ROBO1: variants seen among roughly 807,000 people sequenced by gnomAD.
ROBO1 encodes the protein roundabout guidance receptor 1.
In ROBO1, 149 loss-of-function variants were observed where a neutral mutation model predicts 195.9. The observed-to-expected ratio is 0.76, with a 90% CI of 0.67 to 0.87. The LOEUF is 0.87. ROBO1 is among the 40% of genes least tolerant of loss of function. The probability of loss-of-function intolerance (pLI) is 0.00; values close to 1 mark genes in which losing one functional copy is unlikely to be tolerated. For missense variants in ROBO1, 1,933 were observed against 2,068.3 expected (o/e 0.93, Z 1.27); for synonymous variants, 816 against 733.2 (o/e 1.11, Z -1.82).
intron 28 of ROBO1, among the ~76,000 whole-genome samples, chr3:78,610,149 A>G (rs1041690905): frequency 2.0e-5 from 3 of 152,206 alleles, no homozygotes; most frequent in African/African-American, 7.2e-5. Context: ...TATAGCCAAT[A>G]GCACTAATTT....
intron 10 of ROBO1, among the ~76,000 whole-genome samples, chr3:78,677,364 AAGACAC>A (rs1282174699): frequency 6.6e-6 from 1 of 152,222 alleles, no homozygotes; most frequent in African/African-American, 2.4e-5. Flanking sequence ...CTCCAATTAA[AAGACAC>A]AGACTGGCAA....
chr3:79,760,117 G>T (rs1337607023), intron 1 of ROBO1, among the ~76,000 whole-genome samples: 1 of 151,118 alleles, frequency 6.6e-6, no homozygotes, highest in Admixed American at 6.6e-5. Context: ...TGCATCTGTA[G>T]TCCCAGTTAC....
chr3:78,744,395 T>C (rs1002918889), intron 5 of ROBO1, among the ~76,000 whole-genome samples: 15 of 152,184 alleles, frequency 9.9e-5, no homozygotes, highest in Admixed American at 7.9e-4. Flanking sequence ...GCCTCTACCA[T>C]TGCCACGTTT....
At chr3:79,758,760 GGGGAAA>G (rs2107510796) in intron 1 of ROBO1, among the ~76,000 whole-genome samples, 1 of 152,210 alleles carries the variant, frequency 6.6e-6, no homozygotes, top group African/African-American at 2.4e-5. Context: ...GGAGACAGGT[GGGGAAA>G]GGGAAAGAAC....
chr3:79,109,601 G>T (rs946604386), intron 3 of ROBO1, among the ~76,000 whole-genome samples: 1 of 151,770 alleles, frequency 6.6e-6, no homozygotes, highest in Admixed American at 6.6e-5. Flanking sequence ...TATTACTTAC[G>T]CATGGTTCTC....
At position 78,711,440 on chromosome 3, in the gene ROBO1, T is replaced by TTTCCTTCCTTCCTTCC. The variant is rs138527299; in HGVS notation, c.1045+2941_1045+2956dup. ...CTTTCTTTCTTTCTTTCTTTCTTTC[T>TTTCCTTCCTTCCTTCC]TTCCTTCCTTCCTTCCTTCCTTCCT... is the stretch of plus-strand genomic sequence containing the variant. On this transcript the variant is annotated intron_variant, in intron 8 of 30. Transcript: ENST00000464233. 1.9e-3 allele frequency among the ~76,000 whole-genome samples: 79 copies of TTTCCTTCCTTCCTTCC among 41,590 alleles called. 1 individual carries two copies. Among genetic ancestry groups the TTTCCTTCCTTCCTTCC allele is most frequent in the South Asian group, 5.4e-3 (5 of 934 alleles). The allele number at this position is 41,590 out of a possible 152,430, so 27.3% of individuals were successfully genotyped here.
At chr3:79,564,206 A>G (rs1943018325) in intron 2 of ROBO1, among the ~76,000 whole-genome samples, 1 of 152,100 alleles carries the variant, frequency 6.6e-6, no homozygotes, top group African/African-American at 2.4e-5. Flanking sequence ...TCTCATTTGA[A>G]AAAGCATACT....
chr3:79,230,373 C>G (rs1006483990), intron 2 of ROBO1, among the ~76,000 whole-genome samples: 4 of 152,114 alleles, frequency 2.6e-5, no homozygotes, highest in Non-Finnish European at 5.9e-5. Context: ...CACCTTTTGT[C>G]TCTAGTAGAT....
intron 2 of ROBO1, among the ~76,000 whole-genome samples, chr3:79,351,653 A>G (rs1208163236): frequency 2.0e-5 from 3 of 152,066 alleles, no homozygotes; most frequent in Non-Finnish European, 2.9e-5. Flanking sequence ...TCCCTGTTCA[A>G]TTACACTGTT....
intron 3 of ROBO1, among the ~76,000 whole-genome samples, chr3:79,050,610 T>G (rs2078678348): frequency 6.6e-6 from 1 of 152,210 alleles, no homozygotes; most frequent in South Asian, 2.1e-4. Flanking sequence ...ATATACATTC[T>G]TCTCAGCACC....
intron 1 of ROBO1, among the ~76,000 whole-genome samples, chr3:79,591,827 G>C (rs1032099159): frequency 1.3e-5 from 2 of 151,432 alleles, no homozygotes; most frequent in African/African-American, 4.8e-5. Flanking sequence ...TATAACAGTT[G>C]CCCTATCTTC....
At chr3:79,729,533 A>T (rs1402423013) in intron 1 of ROBO1, among the ~76,000 whole-genome samples, 5 of 152,262 alleles carry the variant, frequency 3.3e-5, no homozygotes. Context: ...CAATCCTTGG[A>T]AAAGCAATAT....
At chr3:78,794,447 G>A (rs1159359533) in intron 4 of ROBO1, among the ~76,000 whole-genome samples, 1 of 152,150 alleles carries the variant, frequency 6.6e-6, no homozygotes. Context: ...AGTTGGAAGG[G>A]GGCCCTTATT....
chr3:79,515,709 T>C (rs1416165780), intron 2 of ROBO1, among the ~76,000 whole-genome samples: 1 of 152,218 alleles, frequency 6.6e-6, no homozygotes, highest in Non-Finnish European at 1.5e-5. Flanking sequence ...TTGATTTGAC[T>C]GAAACCTAGG....
intron 29 of ROBO1, among the ~76,000 whole-genome samples, chr3:78,601,233 C>T (rs945418150): frequency 9.9e-5 from 15 of 152,160 alleles, no homozygotes; most frequent in Non-Finnish European, 2.1e-4. Context: ...TTCCCGCTGA[C>T]GTTCTCTGTA....
intron 2 of ROBO1, among the ~76,000 whole-genome samples, chr3:79,582,105 T>C (rs1286485801): frequency 6.6e-6 from 1 of 151,854 alleles, no homozygotes; most frequent in Non-Finnish European, 1.5e-5. Context: ...TCAAGAAATG[T>C]AAACCAAATA....
intron 25 of ROBO1, among the ~76,000 whole-genome samples, chr3:78,630,675 T>C (rs879853984): frequency 3.3e-5 from 5 of 152,218 alleles, no homozygotes; most frequent in African/African-American, 4.8e-5. Flanking sequence ...TGTGGATTAT[T>C]ATACTTGTTA....
intron 2 of ROBO1, among the ~76,000 whole-genome samples, chr3:79,195,609 G>T (rs1406178637): frequency 6.6e-6 from 1 of 151,424 alleles, no homozygotes; most frequent in Non-Finnish European, 1.5e-5. Context: ...TTTTCAATAA[G>T]CTATATCTGG....
chr3:79,557,196 C>G (rs1942733881), intron 2 of ROBO1, among the ~76,000 whole-genome samples: 1 of 151,794 alleles, frequency 6.6e-6, no homozygotes, highest in Admixed American at 6.6e-5. Flanking sequence ...TCTTGCCTGT[C>G]TCGATACCCA....
Sources: allele counts gnomAD v4.1 joint callset (sites outside exome capture counted in the v4.1 genomes callset), GRCh38; gene constraint gnomAD v4.1.1; transcripts MANE v1.5; gene names NCBI Gene and HGNC (gene_info 2026-07-23, HGNC 2026-07-21).